The following FUT8 variants were observed in gnomAD, a reference collection of about 807,000 sequenced individuals.
FUT8 encodes fucosyltransferase 8.
A neutral mutation model predicts 71.3 loss-of-function variants in FUT8; 29 were observed. The ratio of observed to expected loss-of-function variants is 0.41; its 90% CI spans 0.30 to 0.55. The LOEUF (loss-of-function observed/expected upper bound fraction) is 0.55, where lower values mean the gene tolerates loss of function less well. Ranked by LOEUF, FUT8 falls within the 20% of genes least tolerant of loss-of-function variation. The pLI is 0.34. For missense variants in FUT8, 544 were observed against 702.1 expected, an observed-to-expected ratio of 0.77 and a Z score of 2.55; for synonymous variants, 254 against 239.3, an observed-to-expected ratio of 1.06 and a Z score of -0.57.
At chr14:65,691,754 T>TTCC (rs1893610376) in intron 7 of FUT8, among the ~76,000 whole-genome samples, 1 of 150,370 alleles carries the variant, frequency 6.7e-6, no homozygotes, top group Non-Finnish European at 1.5e-5. Flanking sequence ...TGCGGCCTTC[T>TTCC]GCAGTGTTTG....
intron 3 of FUT8, among the ~76,000 whole-genome samples, chr14:65,606,073 G>GTTT (rs34986420): frequency 1.7e-5 from 2 of 118,170 alleles, no homozygotes; most frequent in African/African-American, 6.4e-5. Context: ...AAAATTGTTA[G>GTTT]TTTTTTTTTT....
At chr14:65,645,177 T>A (rs1891063947) in intron 6 of FUT8, among the ~76,000 whole-genome samples, 1 of 152,130 alleles carries the variant, frequency 6.6e-6, no homozygotes, top group Non-Finnish European at 1.5e-5. Context: ...ACAAATAAAT[T>A]CTAGTTGGTA....
At chr14:65,481,124 T>C (rs1380224985) in intron 2 of FUT8, among the ~76,000 whole-genome samples, 2 of 151,476 alleles carry the variant, frequency 1.3e-5, no homozygotes, top group Non-Finnish European at 2.9e-5. Context: ...TTTCTGCTGG[T>C]TTTTTTTTAT....
At chr14:65,447,965 C>G (rs1313021727) in intron 1 of FUT8, among the ~76,000 whole-genome samples, 1 of 152,154 alleles carries the variant, frequency 6.6e-6, no homozygotes, top group Non-Finnish European at 1.5e-5. Context: ...CATATCCTAC[C>G]TAAATTAGTG....
At chr14:65,471,032 G>A (rs1566768181) in intron 2 of FUT8, 2 of 447,698 alleles carry the variant, frequency 4.5e-6, no homozygotes, top group African/African-American at 4.1e-5. Flanking sequence ...ATCCTTAAAT[G>A]GGGTCTGAGG....
chr14:65,589,474 C>T (rs911763080), intron 3 of FUT8, among the ~76,000 whole-genome samples: 56 of 130,102 alleles, frequency 4.3e-4, no homozygotes, highest in Non-Finnish European at 7.1e-4. Context: ...GATGGAATCT[C>T]GCTCTGTCGC....
the FUT8 span, among the ~76,000 whole-genome samples, chr14:65,358,738 A>G: frequency 1.1e-4 from 17 of 152,306 alleles, no homozygotes; most frequent in African/African-American, 4.1e-4. Flanking sequence ...GGTGTGAGCT[A>G]CCATGCCCTG....
chr14:65,657,696 G>A (rs546605160), intron 6 of FUT8, among the ~76,000 whole-genome samples: 3 of 152,152 alleles, frequency 2.0e-5, no homozygotes, highest in East Asian at 1.9e-4. Context: ...TTGTGGGGGC[G>A]GGTAAGGGGA....
At chr14:65,524,671 T>G (rs1045047174) in intron 2 of FUT8, among the ~76,000 whole-genome samples, 2 of 152,178 alleles carry the variant, frequency 1.3e-5, no homozygotes, top group Admixed American at 6.5e-5. Flanking sequence ...AGGGAATGCT[T>G]CCCGTTTTTG....
rs538831521 is a variant in FUT8, at chr14:65,603,627, C to A, written c.204-12351C>A. ...CTAATTGAGCTTCTTTGGATCTTCTCTCTTCTTTTCTTGGTTAATCTTGCT... is the reference window on the plus strand; with the variant it reads ...CTAATTGAGCTTCTTTGGATCTTCTATCTTCTTTTCTTGGTTAATCTTGCT... On this transcript the variant is annotated intron_variant, in intron 3 of 10. Coordinates refer to ENST00000673929, the MANE Select transcript of FUT8 (RefSeq NM_001371533.1). This position sits in a 1 kb window ranked among gnomAD's most constrained non-coding sequence, Gnocchi z 4.5. 6.6e-6 allele frequency among the ~76,000 whole-genome samples: 1 copy of A among 151,850 alleles called. No individual in the cohort carries two copies. Among genetic ancestry groups the A allele is most frequent in the East Asian group, 1.9e-4 (1 of 5,184 alleles).
At chr14:65,730,084 G>GT (rs1381013354) in intron 9 of FUT8, among the ~76,000 whole-genome samples, 1 of 152,032 alleles carries the variant, frequency 6.6e-6, no homozygotes, top group Non-Finnish European at 1.5e-5. Context: ...CTCTGCCATT[G>GT]TTTTAAGAGA....
At chr14:65,713,457 G>GT (rs1230034817) in intron 7 of FUT8, among the ~76,000 whole-genome samples, 7 of 152,042 alleles carry the variant, frequency 4.6e-5, no homozygotes, top group Non-Finnish European at 7.4e-5. Context: ...TCAATTTTTA[G>GT]TTTTTTTGAG....
chr14:65,378,182 C>A, the FUT8 span, among the ~76,000 whole-genome samples: 1 of 151,998 alleles, frequency 6.6e-6, no homozygotes, highest in Non-Finnish European at 1.5e-5. Flanking sequence ...ATAAAATTAA[C>A]TTTACTATTC....
At chr14:65,704,051 A>G (rs1388549575) in intron 7 of FUT8, among the ~76,000 whole-genome samples, 3 of 152,208 alleles carry the variant, frequency 2.0e-5, no homozygotes, top group Admixed American at 6.5e-5. Flanking sequence ...TTTACGTATA[A>G]TGAAGAAACC....
At chr14:65,737,812 A>G (rs1401311658) in intron 10 of FUT8, among the ~76,000 whole-genome samples, 2 of 152,072 alleles carry the variant, frequency 1.3e-5, no homozygotes, top group African/African-American at 4.8e-5. Context: ...GGCAGTTATT[A>G]CAATACTCTC....
chr14:65,365,991 C>T, the FUT8 span, among the ~76,000 whole-genome samples: 9 of 152,156 alleles, frequency 5.9e-5, no homozygotes, highest in Non-Finnish European at 8.8e-5. Flanking sequence ...GCATGCGCCA[C>T]CATGCCCAGA....
At chr14:65,420,605 A>G (rs913446058) in intron 1 of FUT8, among the ~76,000 whole-genome samples, 6 of 151,654 alleles carry the variant, frequency 4.0e-5, no homozygotes, top group African/African-American at 1.5e-4. Flanking sequence ...AAGATACCCA[A>G]CCTTTGGAAA....
intron 10 of FUT8, among the ~76,000 whole-genome samples, chr14:65,737,520 A>G (rs977641270): frequency 6.6e-6 from 1 of 152,152 alleles, no homozygotes; most frequent in Non-Finnish European, 1.5e-5. Context: ...TCTTAAATCT[A>G]AAGCAAAGAA....
chr14:65,433,786 TTCTCTCTCTCTCTC>T (rs71126744), intron 1 of FUT8, among the ~76,000 whole-genome samples: 5,158 of 144,962 alleles, frequency 0.036, 133 homozygotes, highest in Middle Eastern at 0.1. Context: ...CTTCTGTCTC[TTCTCTCTCTCTCTC>T]TCTCTCTCTC....
Sources: gnomAD v4.1 joint callset for allele counts (sites outside exome capture counted in the v4.1 genomes callset) on GRCh38, gnomAD v4.1.1 for gene constraint, Gnocchi (gnomAD v3.1) non-coding constraint, MANE v1.5 for transcripts, NCBI Gene and HGNC (gene_info 2026-07-23, HGNC 2026-07-21) for gene names.